The following NAV2 variants were observed in gnomAD, a reference collection of about 807,000 sequenced individuals.
NAV2 encodes helicase, APC down-regulated 1.
In NAV2, 54 loss-of-function variants were observed where a neutral mutation model predicts 223.2. The ratio of observed to expected loss-of-function variants is 0.24; its 90% CI spans 0.19 to 0.30. The LOEUF (loss-of-function observed/expected upper bound fraction) is 0.30, where lower values mean the gene tolerates loss of function less well. Ranked by LOEUF, NAV2 falls within the 10% of genes least tolerant of loss-of-function variation. NAV2 has a pLI of 1.00. For missense variants in NAV2, 2,806 were observed against 3,147.5 expected, an observed-to-expected ratio of 0.89 and a Z score of 2.60; for synonymous variants, 1,279 against 1,239.3, an observed-to-expected ratio of 1.03 and a Z score of -0.67.
intron 1 of NAV2, among the ~76,000 whole-genome samples, chr11:19,387,507 T>C (rs925481299): frequency 1.3e-5 from 2 of 152,138 alleles, no homozygotes; most frequent in African/African-American, 4.8e-5. Flanking sequence ...AGGGGACATT[T>C]TCTTCCCCTT....
chr11:20,027,396 G>A, intron 11 of NAV2: 1 of 981,500 alleles, frequency 1.0e-6, no homozygotes, highest in Non-Finnish European at 1.2e-6. Flanking sequence ...GCAGCTGTCT[G>A]GCGGGGGGCA....
At chr11:19,989,167 T>C (rs907620252) in intron 11 of NAV2, among the ~76,000 whole-genome samples, 1 of 152,198 alleles carries the variant, frequency 6.6e-6, no homozygotes, top group Non-Finnish European at 1.5e-5. Context: ...TTAAGTTTCA[T>C]GGCGAGGGGA....
chr11:20,062,171 G>C (rs1209203621), intron 19 of NAV2, 136 bp from the exon 20 acceptor site: 3 of 551,178 alleles, frequency 5.4e-6, no homozygotes, highest in Admixed American at 7.1e-5. Context: ...CGCCAAACCA[G>C]GAAAGGTTGT....
chr11:19,576,074 C>A (rs1437472234), intron 1 of NAV2, among the ~76,000 whole-genome samples: 4 of 152,072 alleles, frequency 2.6e-5, no homozygotes, highest in African/African-American at 9.7e-5. Flanking sequence ...TAGTGTATGG[C>A]AGAAAAAGTG....
rs535587272 is a variant in NAV2 at position 20,027,298 on chromosome 11, C to T, written c.2769-8661C>T. The stretch of plus-strand genomic sequence containing the variant: ...ATCCACACCAAAGGATCTCGTTCCG[C>T]TCGGGCCCCGGGGTTTCACGGGAAC... On this transcript the variant is annotated intron_variant, in intron 11 of 37. Coordinates refer to ENST00000349880, the MANE Select transcript of NAV2 (RefSeq NM_145117.5). The T allele has an allele frequency of 9.2e-6, 9 of 979,772 alleles. No homozygotes were observed. The South Asian group carries it at 3.8e-4, about 42-fold the overall frequency. 60.7% of individuals were successfully genotyped at this position (979,772 alleles called of 1,614,324 possible). A position where few individuals can be genotyped will look rare whatever the true frequency, so the allele number is the denominator to read the frequency against.
At position 20,025,016 on chromosome 11, in the gene NAV2, T is replaced by C. The variant is rs148626077; in HGVS notation, c.2769-10943T>C. ...TGAGTTCTTATATGACCATGATCTA[T>C]TTAGATGCATCTTTACCTCTGTTCT... On this transcript the variant is annotated intron_variant, in intron 11 of 37. Coordinates refer to ENST00000349880, the MANE Select transcript of NAV2 (RefSeq NM_145117.5). Among the ~76,000 whole-genome samples, 1,272 of 152,360 alleles carry C rather than the reference T, an allele frequency of 8.3e-3. 19 individuals are homozygous for C. Among genetic ancestry groups the C allele is most frequent in the African/African-American group, 0.029 (1,194 of 41,578 alleles).
chr11:20,071,903 ACT>A (rs1250353983), intron 22 of NAV2, among the ~76,000 whole-genome samples: 9 of 152,088 alleles, frequency 5.9e-5, no homozygotes, highest in African/African-American at 1.4e-4. Context: ...TTGCCTGTTC[ACT>A]CTGATGAAGT....
chr11:19,455,944 TC>T (rs1851943617), intron 1 of NAV2, among the ~76,000 whole-genome samples: 1 of 152,134 alleles, frequency 6.6e-6, no homozygotes, highest in Admixed American at 6.5e-5. Context: ...GCATCCTTCC[TC>T]CCCAGCTGTG....
At chr11:19,609,659 G>C (rs185420215) in intron 1 of NAV2, among the ~76,000 whole-genome samples, 120 of 152,316 alleles carry the variant, frequency 7.9e-4, no homozygotes, top group African/African-American at 2.7e-3. Context: ...GCTAAGCAGA[G>C]ACTAACCACT....
At chr11:19,948,629 A>G in intron 9 of NAV2, 62 bp from the exon 10 acceptor site, 1 of 1,458,326 alleles carries the variant, frequency 6.9e-7, no homozygotes, top group Non-Finnish European at 9.1e-7. Context: ...TAATTAAAGA[A>G]CATATAAACT....
intron 23 of NAV2, 117 bp downstream of exon 23, chr11:20,077,752 A>C: frequency 1.1e-6 from 1 of 876,130 alleles, no homozygotes; most frequent in South Asian, 1.6e-5. Context: ...GAACTGTTAA[A>C]GTTTAATTGT....
At chr11:19,838,175 C>A (rs2060328842) in intron 2 of NAV2, among the ~76,000 whole-genome samples, 1 of 152,144 alleles carries the variant, frequency 6.6e-6, no homozygotes, top group Non-Finnish European at 1.5e-5. Context: ...AAATGAAGGC[C>A]TATCAAAATC....
rs201669772 is a variant in NAV2 at position 19,385,753 on chromosome 11, C to CT, written c.75+34752dup. 8.2e-4 allele frequency among the ~76,000 whole-genome samples: 93 copies of CT among 112,758 alleles called. 12 individuals are homozygous for CT. Among genetic ancestry groups the CT allele is most frequent in the African/African-American group, 3.2e-3 (84 of 26,434 alleles). 74.0% of individuals were successfully genotyped at this position (112,758 alleles called of 152,430 possible). A position where few individuals can be genotyped will look rare whatever the true frequency, so the allele number is the denominator to read the frequency against. On this transcript the variant is annotated intron_variant, in intron 1 of 37. Transcript: ENST00000360655. ...CTCAACTGCTTTTTCAATATAGCTC[C>CT]TTTTTTTTTTTTTTTTTTTTTTTTT...
intron 1 of NAV2, among the ~76,000 whole-genome samples, chr11:19,404,433 G>C (rs1056024175): frequency 6.6e-6 from 1 of 152,182 alleles, no homozygotes; most frequent in African/African-American, 2.4e-5. Flanking sequence ...CTGCGAATAA[G>C]CATCTCCTCC....
chr11:20,020,751 A>C (rs2584832), intron 11 of NAV2, among the ~76,000 whole-genome samples: 13,454 of 151,944 alleles, frequency 0.089, 695 homozygotes, highest in Admixed American at 0.12. Context: ...CATCTATTAA[A>C]CCTCCAATGT....
intron 1 of NAV2, among the ~76,000 whole-genome samples, chr11:19,533,004 T>TA (rs1206392571): frequency 6.6e-6 from 1 of 152,206 alleles, no homozygotes; most frequent in Non-Finnish European, 1.5e-5. Context: ...TGTCCACACA[T>TA]AGTGGTACTG....
intron 1 of NAV2, among the ~76,000 whole-genome samples, chr11:19,443,892 T>A (rs1851490822): frequency 6.6e-6 from 1 of 152,144 alleles, no homozygotes. Context: ...GCGTAGTGAG[T>A]GTTCAATAAG....
At chr11:19,740,828 C>A (rs936888407) in intron 1 of NAV2, among the ~76,000 whole-genome samples, 1 of 152,218 alleles carries the variant, frequency 6.6e-6, no homozygotes, top group African/African-American at 2.4e-5. Flanking sequence ...TTGTTATCAT[C>A]TACATTTGCA....
At chr11:20,103,507 G>A in intron 33 of NAV2, 98 bp downstream of exon 33, 14 of 1,514,066 alleles carry the variant, frequency 9.2e-6, no homozygotes, top group Non-Finnish European at 1.2e-5. Context: ...TTGTGGGAGT[G>A]AAGCTGTGCA....
Sources: gnomAD v4.1 joint callset for allele counts (sites outside exome capture counted in the v4.1 genomes callset) on GRCh38, gnomAD v4.1.1 for gene constraint, MANE v1.5 for transcripts, NCBI Gene and HGNC (gene_info 2026-07-23, HGNC 2026-07-21) for gene names.